The following RIC1 variants were observed in gnomAD, a reference collection of about 807,000 sequenced individuals.
RIC1 encodes the protein guanine nucleotide exchange factor subunit RIC1.
In RIC1, 88 loss-of-function variants were observed where a neutral mutation model predicts 169.0. The observed-to-expected ratio is 0.52, with a 90% confidence interval of 0.44 to 0.62. RIC1 has a LOEUF of 0.62. Among genes scored for constraint, RIC1 ranks in the 20% least tolerant of loss-of-function variants. The pLI, the probability that RIC1 is intolerant of heterozygous loss-of-function variation, is 0.00. For synonymous variants in RIC1, 790 were observed against 601.5 expected, an observed-to-expected ratio of 1.31 and a Z score of -4.59; for missense variants, 1,877 against 1,725.5, an observed-to-expected ratio of 1.09 and a Z score of -1.56.
chr9:5,738,677 T>G, intron 8 of RIC1, 139 bp downstream of exon 8: 1 of 466,630 alleles, frequency 2.1e-6, no homozygotes, highest in Non-Finnish European at 3.7e-6. Context: ...GTAAACTGGC[T>G]CAAGTCTGGA....
chr9:5,629,262 C>G lies in RIC1; in HGVS notation c.-48C>G. 1 of 1,422,310 alleles carries G rather than the reference C, an allele frequency of 7.0e-7. No homozygotes were observed. Among genetic ancestry groups the G allele is most frequent in the South Asian group, 1.4e-5 (1 of 71,732 alleles). 88.1% of individuals were successfully genotyped at this position (1,422,310 alleles called of 1,614,324 possible). A position where few individuals can be genotyped will look rare whatever the true frequency, so the allele number is the denominator to read the frequency against. ...GAGGTGGGCGACCAGCCCGGGGCCGCTGAGTGTGACGGACGCAACTGGGGG... is the reference window on the plus strand; with the variant it reads ...GAGGTGGGCGACCAGCCCGGGGCCGGTGAGTGTGACGGACGCAACTGGGGG... On this transcript the variant is annotated 5_prime_UTR_variant, in exon 1 of 26. Coordinates refer to ENST00000414202, the MANE Select transcript of RIC1 (RefSeq NM_020829.4).
At chr9:5,702,614 C>G (rs1402406740) in intron 3 of RIC1, among the ~76,000 whole-genome samples, 2 of 152,196 alleles carry the variant, frequency 1.3e-5, no homozygotes, top group East Asian at 3.8e-4. Flanking sequence ...TCTCGGCTCA[C>G]TGCAACCTCC....
intron 6 of RIC1, among the ~76,000 whole-genome samples, chr9:5,723,626 C>A (rs538446445): frequency 1.9e-3 from 295 of 152,266 alleles, no homozygotes; most frequent in African/African-American, 6.5e-3. Flanking sequence ...GTCATGAAGT[C>A]CTTGCCCATG....
At position 5,655,003 on chromosome 9, in the gene RIC1, C is replaced by A. The variant is rs565059742; in HGVS notation, c.145-1580C>A. On this transcript the variant is annotated intron_variant, in intron 1 of 25. Coordinates refer to ENST00000414202, the MANE Select transcript of RIC1 (RefSeq NM_020829.4). Reference sequence around the variant, plus strand: ...TGGGTCAATTCTGTCAAATTTTCTACATAGATGATCACATTATCTATGAGT... The same window carrying A: ...TGGGTCAATTCTGTCAAATTTTCTAAATAGATGATCACATTATCTATGAGT... Among the ~76,000 whole-genome samples, 353 of 152,286 alleles carry A rather than the reference C, an allele frequency of 2.3e-3. 1 individual carries two copies. Among genetic ancestry groups the A allele is most frequent in the Middle Eastern group, 6.8e-3 (2 of 294 alleles).
Position 5,753,296 on chromosome 9 carries a change from A to C in RIC1, c.1491+58A>C, listed in dbSNP as rs372470103. The stretch of plus-strand genomic sequence containing the variant: ...TTGACTAGCATTTGCTGCAAGAGGC[A>C]TTCTGGGAAGAGCCCTTCAGTGGGT... On this transcript the variant is annotated intron_variant, in intron 13 of 25. Coordinates refer to ENST00000414202, the MANE Select transcript of RIC1 (RefSeq NM_020829.4). 98 of 1,493,222 alleles carry C rather than the reference A, an allele frequency of 6.6e-5. 1 individual carries two copies. The highest frequency in any genetic ancestry group is 1.5e-5 in the Non-Finnish European group (16 of 1,070,346). 92.5% of individuals were successfully genotyped at this position (1,493,222 alleles called of 1,614,324 possible).
intron 1 of RIC1, among the ~76,000 whole-genome samples, chr9:5,629,697 G>T (rs1817624368): frequency 6.6e-6 from 1 of 152,130 alleles, no homozygotes; most frequent in African/African-American, 2.4e-5. Context: ...GCCTCCCCGC[G>T]TTGGACCGAC....
In RIC1 at chr9:5,713,942, T is replaced by C. The variant is rs1453312084; in HGVS notation, c.379T>C (p.Cys127Arg). 1.9e-6 allele frequency: 3 copies of C among 1,613,322 alleles called. No homozygotes were observed. Among genetic ancestry groups the C allele is most frequent in the Admixed American group, 1.7e-5 (1 of 60,016 alleles). ...GACACCCCATTTTAAGGAAGAACAG[T>C]GTGCTCCAGCATTAAATTTGGAGAT... ...KGTPHFKEEQ[C>R]APALNLEMRK... is the part of the protein sequence containing the mutation. The change falls in exon 4 of 26, where the codon TGT becomes CGT. Residue 127 changes from cysteine to arginine, a missense_variant. Physicochemically the swap from Cys to Arg is radical, Grantham distance 180 (BLOSUM62 -3). Around this residue, in one of 3 missense-constraint regions of RIC1, gnomAD observed 1,104 missense variants for 992.0 expected, o/e 1.11. Transcript: ENST00000414202.
Position 5,629,178 on chromosome 9 carries a change from C to A in RIC1, c.-132C>A. 1.1e-6 allele frequency: 1 copy of A among 891,972 alleles called. No individual in the cohort carries two copies. Among genetic ancestry groups the A allele is most frequent in the Non-Finnish European group, 1.5e-6 (1 of 669,710 alleles). 55.3% of individuals were successfully genotyped at this position (891,972 alleles called of 1,614,324 possible). On this transcript the variant is annotated 5_prime_UTR_variant, in exon 1 of 26. Transcript: ENST00000414202. ...CGTCGGCCCGGCCCGGCCAGGCCAG[C>A]GGGCAGATGCCCCGAGCTGCCGCCG...
chr9:5,774,274 TATTA>T lies in RIC1; in HGVS notation c.*33_*36del. The T allele has an allele frequency of 6.4e-7, 1 of 1,571,662 alleles. No individual in the cohort carries two copies. Among genetic ancestry groups the T allele is most frequent in the East Asian group, 2.2e-5 (1 of 44,546 alleles). ...GTGAGGTTCCATCACAAAGGGGCAGTATTAATTAGCAGCAGCGTGCAGCTCAGTA... is the reference window on the plus strand; with the variant it reads ...GTGAGGTTCCATCACAAAGGGGCAGTATTAGCAGCAGCGTGCAGCTCAGTA... On this transcript the variant is annotated 3_prime_UTR_variant, in exon 26 of 26. Coordinates refer to ENST00000414202, the MANE Select transcript of RIC1 (RefSeq NM_020829.4).
chr9:5,640,804 T>G (rs560712042), intron 1 of RIC1, among the ~76,000 whole-genome samples: 2 of 152,192 alleles, frequency 1.3e-5, no homozygotes, highest in African/African-American at 4.8e-5. Context: ...TCTCTCAGCA[T>G]TTTTTGTCTG....
At chr9:5,756,185 A>T (rs1489855805) in intron 15 of RIC1, 27 bp from the exon 16 acceptor site, 7 of 1,457,008 alleles carry the variant, frequency 4.8e-6, no homozygotes, top group Admixed American at 2.1e-5. Context: ...TTGTTTTTAT[A>T]ATTTTCTTCA....
At position 5,723,044 on chromosome 9, in the gene RIC1, T is replaced by C. The variant is rs370246287; in HGVS notation, c.720+2294T>C. On this transcript the variant is annotated intron_variant, in intron 6 of 25. Transcript: ENST00000414202. ...ATGTGCGTGTGTCTTTATAGCAGCA[T>C]GATTTATAATCCTTTGGGTATATAC... Among the ~76,000 whole-genome samples the C allele has an allele frequency of 4.3e-4, 65 of 152,372 alleles. No homozygotes were observed. The East Asian group carries it at 0.012, about 27-fold the overall frequency.
chr9:5,635,661 C>A (rs897007905), intron 1 of RIC1, among the ~76,000 whole-genome samples: 1 of 152,162 alleles, frequency 6.6e-6, no homozygotes, highest in Admixed American at 6.6e-5. Context: ...TAATCGTAAT[C>A]CTCATAATCC....
intron 21 of RIC1, among the ~76,000 whole-genome samples, chr9:5,766,593 C>T (rs1207696824): frequency 6.6e-6 from 1 of 152,164 alleles, no homozygotes; most frequent in Non-Finnish European, 1.5e-5. Flanking sequence ...TGAGAACATA[C>T]TACATTTGGT....
In RIC1 at chr9:5,685,327, T is replaced by C. The variant is rs1418878251; in HGVS notation, c.253-4632T>C. On this transcript the variant is annotated intron_variant, in intron 2 of 25. Transcript: ENST00000414202. Reference sequence around the variant, plus strand: ...AGAGCCCGCATCGCCAAGTCAATCCTAAGCCAAAAGAACAAAGCTGGAGGC... The same window carrying C: ...AGAGCCCGCATCGCCAAGTCAATCCCAAGCCAAAAGAACAAAGCTGGAGGC... Among the ~76,000 whole-genome samples, 4 of 151,544 alleles carry C rather than the reference T, an allele frequency of 2.6e-5. No homozygotes were observed. The East Asian group carries it at 7.7e-4, about 29-fold the overall frequency.
At chr9:5,680,346 C>G (rs920032799) in intron 2 of RIC1, among the ~76,000 whole-genome samples, 1 of 152,148 alleles carries the variant, frequency 6.6e-6, no homozygotes, top group African/African-American at 2.4e-5. Context: ...CAGGGTGATG[C>G]TGGCGTCATC....
At chr9:5,766,915 C>T (rs1434284047) in intron 21 of RIC1, among the ~76,000 whole-genome samples, 1 of 152,138 alleles carries the variant, frequency 6.6e-6, no homozygotes, top group South Asian at 2.1e-4. Context: ...GAGGGAATCT[C>T]CACCCTGTTT....
chr9:5,736,305 A>T (rs1000737790), intron 7 of RIC1, among the ~76,000 whole-genome samples: 12 of 152,244 alleles, frequency 7.9e-5, no homozygotes, highest in African/African-American at 2.9e-4. Flanking sequence ...ATTGAATGAC[A>T]GATGACATTT....
rs1040856914 is a variant in RIC1 at position 5,772,008 on chromosome 9, C to A, written c.3617-556C>A. Among the ~76,000 whole-genome samples, 9 of 152,044 alleles carry A rather than the reference C, an allele frequency of 5.9e-5. No individual in the cohort carries two copies. In the East Asian group the frequency reaches 1.2e-3, roughly 19 times the overall value. ...TAAAAATTTGATAATTCCTTGGTAC[C>A]ATCAAATATCCATTAAGTATTCAGA... On this transcript the variant is annotated intron_variant, in intron 23 of 25. Coordinates refer to ENST00000414202, the MANE Select transcript of RIC1 (RefSeq NM_020829.4).
Sources: gnomAD v4.1 joint callset for allele counts (sites outside exome capture counted in the v4.1 genomes callset) on GRCh38, gnomAD v4.1.1 for gene constraint, gnomAD v4.1.1 regional missense constraint, MANE v1.5 for transcripts, NCBI Gene and HGNC (gene_info 2026-07-23, HGNC 2026-07-21) for gene names.